Variants in ARHGAP10 observed in about 807,000 individuals in gnomAD.
ARHGAP10 encodes the protein Rho GTPase activating protein 10.
Under a neutral mutation model 108.6 loss-of-function variants are expected in ARHGAP10, and 87 were observed. That is an observed-to-expected ratio of 0.80 (90% CI 0.67 to 0.96). The LOEUF is 0.96. ARHGAP10 is among the 40% of genes least tolerant of loss of function. ARHGAP10 has a pLI of 0.00. For missense variants in ARHGAP10, 939 were observed against 954.5 expected, an observed-to-expected ratio of 0.98 and a Z score of 0.21; for synonymous variants, 347 against 341.1, an observed-to-expected ratio of 1.02 and a Z score of -0.19.
At chr4:147,988,068 T>A (rs1740108914) in intron 18 of ARHGAP10, among the ~76,000 whole-genome samples, 1 of 152,250 alleles carries the variant, frequency 6.6e-6, no homozygotes, top group African/African-American at 2.4e-5. Context: ...GAGTTTGGTT[T>A]AACTCAGTGT....
intron 10 of ARHGAP10, among the ~76,000 whole-genome samples, chr4:147,885,152 A>G (rs2884400): frequency 0.73 from 111,244 of 151,848 alleles, 45,668 homozygotes; most frequent in Non-Finnish European, 0.92. Flanking sequence ...GTGGGGGCAT[A>G]AGGATGGGGG....
chr4:147,788,273 T>C (rs867167163), intron 1 of ARHGAP10, among the ~76,000 whole-genome samples: 2 of 151,990 alleles, frequency 1.3e-5, no homozygotes, highest in Non-Finnish European at 2.9e-5. Flanking sequence ...GGTGAAACCC[T>C]GTCTCTATTA....
intron 18 of ARHGAP10, among the ~76,000 whole-genome samples, chr4:147,973,591 C>T (rs1739489721): frequency 6.6e-6 from 1 of 152,106 alleles, no homozygotes; most frequent in Non-Finnish European, 1.5e-5. Context: ...TTATTGTTGA[C>T]TTCAGTCATC....
chr4:147,867,863 C>CAA (rs56740685), intron 7 of ARHGAP10, among the ~76,000 whole-genome samples: 17 of 56,876 alleles, frequency 3.0e-4, no homozygotes, highest in African/African-American at 8.3e-4. Flanking sequence ...GACTCTGTCT[C>CAA]AAAAAAAAAA....
intron 10 of ARHGAP10, among the ~76,000 whole-genome samples, chr4:147,904,446 T>C (rs1231156311): frequency 6.7e-6 from 1 of 149,944 alleles, no homozygotes; most frequent in Non-Finnish European, 1.5e-5. Flanking sequence ...TGTGTTCTCA[T>C]TGTTCAGTTC....
At chr4:148,045,760 A>G (rs1025357037) in intron 19 of ARHGAP10, among the ~76,000 whole-genome samples, 3 of 151,804 alleles carry the variant, frequency 2.0e-5, no homozygotes, top group East Asian at 1.9e-4. Context: ...AAAAAAAAAA[A>G]AAAAAGAAAT....
intron 3 of ARHGAP10, among the ~76,000 whole-genome samples, chr4:147,844,144 C>T (rs928811434): frequency 1.3e-5 from 2 of 151,908 alleles, no homozygotes; most frequent in East Asian, 3.8e-4. Context: ...CAAGATTTTC[C>T]CTGTTGCAGT....
chr4:147,841,272 G>A (rs1398820707), intron 3 of ARHGAP10, among the ~76,000 whole-genome samples: 1 of 152,192 alleles, frequency 6.6e-6, no homozygotes, highest in African/African-American at 2.4e-5. Context: ...ACTAGCCAAG[G>A]CATTTTGCGA....
In ARHGAP10 at chr4:147,760,004, C is replaced by T. The variant is rs564340096; in HGVS notation, c.154+27549C>T. Among the ~76,000 whole-genome samples the T allele has an allele frequency of 3.9e-5, 6 of 152,322 alleles. No individual in the cohort carries two copies. In the South Asian group the frequency reaches 1.2e-3, roughly 32 times the overall value. ...ACCTCAGGTGATCCACCCGCCTCAG[C>T]CTCCCAAAGTGCTGGAATTATAGGC... On this transcript the variant is annotated intron_variant, in intron 1 of 22. Transcript: ENST00000336498.
intron 18 of ARHGAP10, among the ~76,000 whole-genome samples, chr4:148,007,788 T>C (rs1741009544): frequency 6.6e-6 from 1 of 152,238 alleles, no homozygotes; most frequent in Non-Finnish European, 1.5e-5. Flanking sequence ...AGGTTATTCC[T>C]CTTCCACTTG....
chr4:147,960,563 A>G (rs141265513), intron 16 of ARHGAP10, among the ~76,000 whole-genome samples: 2 of 152,348 alleles, frequency 1.3e-5, no homozygotes, highest in East Asian at 3.9e-4. Flanking sequence ...CAGGATTTAT[A>G]CTTAAAATTT....
intron 9 of ARHGAP10, among the ~76,000 whole-genome samples, chr4:147,879,554 A>ATTTTT (rs560261814): frequency 6.8e-6 from 1 of 147,056 alleles, no homozygotes; most frequent in African/African-American, 2.5e-5. Flanking sequence ...AAACCACTAG[A>ATTTTT]TTTTTTTTTT....
intron 20 of ARHGAP10, among the ~76,000 whole-genome samples, chr4:148,056,554 C>T (rs184886848): frequency 4.1e-4 from 62 of 151,980 alleles, no homozygotes; most frequent in African/African-American, 1.2e-3. Flanking sequence ...CACTTCCCGC[C>T]CCCACCCCAC....
At chr4:147,836,332 C>T (rs981465012) in intron 3 of ARHGAP10, among the ~76,000 whole-genome samples, 4 of 152,112 alleles carry the variant, frequency 2.6e-5, no homozygotes, top group Non-Finnish European at 5.9e-5. Context: ...CCTTAATCCT[C>T]TTTAATAGGA....
chr4:147,857,512 C>G (rs568902884), intron 4 of ARHGAP10, 41 bp from the exon 5 acceptor site: 1 of 1,400,050 alleles, frequency 7.1e-7, no homozygotes, highest in East Asian at 2.7e-5. Context: ...CATGTGTATC[C>G]TTTTGTTTCT....
chr4:147,854,364 G>A (rs1369136299), intron 4 of ARHGAP10, among the ~76,000 whole-genome samples: 1 of 152,160 alleles, frequency 6.6e-6, no homozygotes, highest in African/African-American at 2.4e-5. Flanking sequence ...GCTGAGTAAT[G>A]GCTGCCTTCT....
intron 10 of ARHGAP10, among the ~76,000 whole-genome samples, chr4:147,899,935 T>C (rs777924656): frequency 1.3e-4 from 20 of 152,054 alleles, no homozygotes; most frequent in Admixed American, 3.9e-4. Context: ...ATATTCCTGA[T>C]TGTTACCATT....
chr4:147,993,206 C>T (rs57536956), intron 18 of ARHGAP10, among the ~76,000 whole-genome samples: 16,780 of 152,090 alleles, frequency 0.11, 1,623 homozygotes, highest in African/African-American at 0.26. Context: ...ATACATTTAT[C>T]TAGAATTCTA....
At chr4:147,851,341 C>T (rs1733869646) in intron 4 of ARHGAP10, among the ~76,000 whole-genome samples, 1 of 151,920 alleles carries the variant, frequency 6.6e-6, no homozygotes, top group South Asian at 2.1e-4. Context: ...ATGATCTGAG[C>T]AGCCAGGACT....
Sources: gnomAD v4.1 joint callset for allele counts (sites outside exome capture counted in the v4.1 genomes callset) on GRCh38, gnomAD v4.1.1 for gene constraint, MANE v1.5 for transcripts, NCBI Gene and HGNC (gene_info 2026-07-23, HGNC 2026-07-21) for gene names.